F8: variants seen among roughly 807,000 people sequenced by gnomAD.
The protein encoded by F8 is coagulation factor VIII, also known as antihemophilic factor.
In F8, 12 loss-of-function variants were observed where a neutral mutation model predicts 140.6. That is an observed-to-expected ratio of 0.09 (90% CI 0.05 to 0.14). The LOEUF is 0.14. F8 is among the 10% of genes least tolerant of loss of function. The pLI, the probability that F8 is intolerant of heterozygous loss-of-function variation, is 1.00. For synonymous variants in F8, 585 were observed against 614.6 expected (o/e 0.95, Z 0.71); for missense variants, 1,354 against 1,720.7 (o/e 0.79, Z 3.77).
intron 22 of F8, among the ~76,000 whole-genome samples, chrX:154,890,602 A>T: frequency 8.9e-6 from 1 of 112,415 alleles, no homozygotes; most frequent in East Asian, 2.8e-4. Flanking sequence ...ACAGAAGGGA[A>T]AAAAGGAGAA....
chrX:154,920,811 C>T (rs2073126369), intron 14 of F8, among the ~76,000 whole-genome samples: 1 of 111,924 alleles, frequency 8.9e-6, no homozygotes, highest in Non-Finnish European at 1.9e-5. Context: ...TTCCTTAACA[C>T]ATTATTATAG....
In F8 at chrX:154,992,919, C is replaced by A; in HGVS notation, c.601+17G>T. 2.5e-6 allele frequency: 3 copies of A among 1,182,665 alleles called. No homozygotes were observed. Among genetic ancestry groups the A allele is most frequent in the Non-Finnish European group, 2.3e-6 (2 of 869,253 alleles). On this transcript the variant is annotated intron_variant, in intron 4 of 25. Transcript: ENST00000360256. ...CTCTGCTTATTTCATCTCAATCCTA[C>A]GCTTTCATACACTTACCTTCTCTAC...
Position 154,848,261 on chromosome X carries a change from C to T in F8, c.6901-10509G>A, listed in dbSNP as rs782466602. ...GACCCACTTGAGGAGGCAGTCTGTC[C>T]GTTCTCAGATCACAAACTCTGTGCT... is the stretch of plus-strand genomic sequence containing the variant. On this transcript the variant is annotated intron_variant, in intron 25 of 25. Coordinates refer to ENST00000360256, the MANE Select transcript of F8 (RefSeq NM_000132.4). Among the ~76,000 whole-genome samples the T allele has an allele frequency of 1.8e-3, 201 of 112,670 alleles. 1 individual carries two copies. The highest frequency in any genetic ancestry group is 5.2e-3 in the African/African-American group (163 of 31,075).
rs782110108 is a variant in F8, at chrX:154,901,339, C to T, written c.6187+32G>A. 67 of 928,180 alleles carry T rather than the reference C, an allele frequency of 7.2e-5. No homozygotes were observed. The South Asian group carries it at 1.2e-3, about 16-fold the overall frequency. The allele number at this position is 928,180 out of a possible 1,213,427, so 76.5% of individuals were successfully genotyped here. A position where few individuals can be genotyped will look rare whatever the true frequency, so the allele number is the denominator to read the frequency against. On this transcript the variant is annotated intron_variant, in intron 20 of 25. Transcript: ENST00000360256. ...TTATTAAAAAAAGATATAATCAGCC[C>T]AGGTTCTTGGAGCAAAAATAATAGT...
chrX:154,987,578 C>A lies in F8; in HGVS notation c.602-273G>T, dbSNP rs183154488. Among the ~76,000 whole-genome samples, 9 of 112,816 alleles carry A rather than the reference C, an allele frequency of 8.0e-5. 1 individual carries two copies. The highest frequency in any genetic ancestry group is 7.5e-4 in the Admixed American group (8 of 10,726). ...TTACTAAAGAAAAAAATTAAAAACA[C>A]TTACAAAATACAAGCCCTCACACAC... is the stretch of plus-strand genomic sequence containing the variant. On this transcript the variant is annotated intron_variant, in intron 4 of 25. Transcript: ENST00000360256.
chrX:154,943,834 G>C (rs1420239861), intron 13 of F8, among the ~76,000 whole-genome samples: 3 of 111,151 alleles, frequency 2.7e-5, no homozygotes, highest in African/African-American at 9.8e-5. Context: ...TAGACCAATG[G>C]AACAGAACAG....
intron 25 of F8, 67 bp downstream of exon 25, chrX:154,860,365 A>G: frequency 8.8e-7 from 1 of 1,135,848 alleles, no homozygotes; most frequent in Non-Finnish European, 1.2e-6. Flanking sequence ...TTTTTATGTT[A>G]TGTTAAGCTC....
chrX:154,857,906 A>C (rs921138337), intron 25 of F8, among the ~76,000 whole-genome samples: 67 of 112,664 alleles, frequency 5.9e-4, no homozygotes, highest in African/African-American at 2.1e-3. Context: ...TGGGAAGCCA[A>C]GGCGGGAGGA....
intron 22 of F8, among the ~76,000 whole-genome samples, chrX:154,864,437 C>T (rs2072717211): frequency 8.9e-6 from 1 of 112,499 alleles, no homozygotes. Flanking sequence ...GCAAATATGA[C>T]ATCACCAAAG....
chrX:154,995,488 A>T (rs2124144094), intron 3 of F8, among the ~76,000 whole-genome samples: 1 of 112,283 alleles, frequency 8.9e-6, no homozygotes, highest in African/African-American at 3.2e-5. Context: ...GACCCAGCCC[A>T]GAAAGATTTG....
At chrX:154,845,341 T>G (rs2072556955) in intron 25 of F8, among the ~76,000 whole-genome samples, 1 of 112,159 alleles carries the variant, frequency 8.9e-6, no homozygotes, top group African/African-American at 3.2e-5. Context: ...CTTTTTCTAT[T>G]GATTGGAATA....
chrX:154,970,575 A>G (rs1412072420), intron 6 of F8, among the ~76,000 whole-genome samples: 1 of 111,618 alleles, frequency 9.0e-6, no homozygotes, highest in Admixed American at 9.5e-5. Context: ...TCCAGATCTG[A>G]TTGTAGTATC....
chrX:154,845,496 C>G (rs1226660488), intron 25 of F8, among the ~76,000 whole-genome samples: 18 of 106,132 alleles, frequency 1.7e-4, no homozygotes, highest in East Asian at 2.9e-4. Context: ...TTCAGGGATT[C>G]AACTTCTTCC....
chrX:154,923,795 T>C (rs1370139123), intron 14 of F8, among the ~76,000 whole-genome samples: 2 of 110,986 alleles, frequency 1.8e-5, no homozygotes, highest in African/African-American at 6.6e-5. Context: ...GGGGGAATGA[T>C]ATGGTTTGGC....
At chrX:154,948,924 A>C (rs1320723024) in intron 12 of F8, among the ~76,000 whole-genome samples, 1 of 112,281 alleles carries the variant, frequency 8.9e-6, no homozygotes, top group African/African-American at 3.2e-5. Context: ...AAATATATCA[A>C]ACAAAATATG....
chrX:154,997,552 T>C (rs1045331143), intron 2 of F8, among the ~76,000 whole-genome samples: 8 of 111,805 alleles, frequency 7.2e-5, no homozygotes, highest in African/African-American at 2.0e-4. Flanking sequence ...TGAGTAGAGA[T>C]CTGACTAATG....
chrX:154,843,823 T>G (rs1176373917), intron 25 of F8, among the ~76,000 whole-genome samples: 1 of 112,064 alleles, frequency 8.9e-6, no homozygotes, highest in African/African-American at 3.2e-5. Context: ...TTTTGGCTTT[T>G]GTTGCCATTG....
At chrX:154,875,421 T>C (rs967520283) in intron 22 of F8, among the ~76,000 whole-genome samples, 2 of 112,293 alleles carry the variant, frequency 1.8e-5, no homozygotes, top group African/African-American at 6.5e-5. Flanking sequence ...ATTAGCTTGC[T>C]TGTGGTGACC....
At chrX:154,885,764 CG>C (rs1275476401) in intron 22 of F8, among the ~76,000 whole-genome samples, 5 of 94,446 alleles carry the variant, frequency 5.3e-5, no homozygotes, top group African/African-American at 1.7e-4. Context: ...GGGACACCCC[CG>C]CTGGTTCTGA....
Sources: gnomAD v4.1 joint callset for allele counts (sites outside exome capture counted in the v4.1 genomes callset) on GRCh38, gnomAD v4.1.1 for gene constraint, MANE v1.5 for transcripts, NCBI Gene and HGNC (gene_info 2026-07-23, HGNC 2026-07-21) for gene names.